TENT5D: variants seen among roughly 807,000 people sequenced by gnomAD.
TENT5D encodes the protein cancer/testis antigen 112.
For missense variants in TENT5D, 191 were observed against 287.0 expected (o/e 0.67, Z 2.42); for synonymous variants, 103 against 100.6 (o/e 1.02, Z -0.15).
chrX:80,416,261 AT>A (rs57550532), upstream of TENT5D, among the ~76,000 whole-genome samples: 404 of 61,417 alleles, frequency 6.6e-3, 3 homozygotes, highest in South Asian at 0.027. Flanking sequence ...GATATTTTGA[AT>A]TTTTTTTTTT....
At chrX:80,400,216 A>C (rs1038429765) in intron 3 of TENT5D, among the ~76,000 whole-genome samples, 4 of 111,812 alleles carry the variant, frequency 3.6e-5, no homozygotes, top group African/African-American at 1.3e-4. Flanking sequence ...TCTGATGTCC[A>C]AGGCAGCAGA....
intron 3 of TENT5D, among the ~76,000 whole-genome samples, chrX:80,373,145 A>G (rs1247985308): frequency 1.8e-5 from 2 of 111,001 alleles, no homozygotes; most frequent in Non-Finnish European, 3.8e-5. Context: ...TGTCATGTGT[A>G]TATGTTTCTC....
At chrX:80,371,840 C>G (rs974892081) in intron 3 of TENT5D, among the ~76,000 whole-genome samples, 1 of 111,851 alleles carries the variant, frequency 8.9e-6, no homozygotes, top group Non-Finnish European at 1.9e-5. Context: ...AAGGCTCTTA[C>G]GCTTTCTTAT....
intron 3 of TENT5D, among the ~76,000 whole-genome samples, chrX:80,346,155 A>G (rs1457196289): frequency 8.9e-6 from 1 of 112,149 alleles, no homozygotes; most frequent in East Asian, 2.8e-4. Context: ...TCTTTAACTC[A>G]GCATAATGCC....
intron 3 of TENT5D, among the ~76,000 whole-genome samples, chrX:80,376,679 T>A (rs1279661044): frequency 9.0e-6 from 1 of 111,652 alleles, no homozygotes; most frequent in East Asian, 2.8e-4. Flanking sequence ...AGCCGATGTA[T>A]GTATATTCAA....
chrX:80,388,360 A>G (rs994272637), intron 3 of TENT5D, among the ~76,000 whole-genome samples: 4 of 111,627 alleles, frequency 3.6e-5, no homozygotes, highest in Non-Finnish European at 7.5e-5. Flanking sequence ...ACTAAAATCA[A>G]TGTGTCACAG....
chrX:80,382,708 C>CG lies in TENT5D; in HGVS notation c.-142+40144_-142+40145insG, dbSNP rs138629241. Among the ~76,000 whole-genome samples the CG allele has an allele frequency of 5.5e-5, 6 of 109,126 alleles. No homozygotes were observed. In the East Asian group the frequency reaches 1.5e-3, roughly 27 times the overall value. 94.8% of individuals were successfully genotyped at this position (109,126 alleles called of 115,157 possible). On this transcript the variant is annotated intron_variant, in intron 3 of 4. Transcript: ENST00000538312. The stretch of plus-strand genomic sequence containing the variant: ...CAAACTTCAGCAATGGCGGACGCCC[C>CG]CCCCCCACTGCCAGGCTGCTGCCTC...
chrX:80,337,296 T>C (rs1929870660), intron 2 of TENT5D, among the ~76,000 whole-genome samples: 1 of 111,843 alleles, frequency 8.9e-6, no homozygotes, highest in Non-Finnish European at 1.9e-5. Flanking sequence ...TTGTGAACTA[T>C]CACCCAATTT....
intron 3 of TENT5D, among the ~76,000 whole-genome samples, chrX:80,343,893 T>TA (rs1402070254): frequency 9.0e-6 from 1 of 111,227 alleles, no homozygotes; most frequent in Non-Finnish European, 1.9e-5. Flanking sequence ...ATTATTTTGT[T>TA]ACCTGGTAGA....
upstream of TENT5D, among the ~76,000 whole-genome samples, chrX:80,416,645 G>A (rs1251301737): frequency 1.8e-5 from 2 of 110,600 alleles, no homozygotes; most frequent in African/African-American, 3.3e-5. Context: ...GGGGGGTGCT[G>A]TGGTCTGAAC....
chrX:80,443,468 C>G (rs1166375789), exon 3 of TENT5D: 3 of 1,209,574 alleles, frequency 2.5e-6, no homozygotes, highest in Non-Finnish European at 3.4e-6. Context: ...AATGAAAGCA[C>G]TGTTTGCCTC....
intron 1 of TENT5D, among the ~76,000 whole-genome samples, chrX:80,430,651 G>C (rs1366527914): frequency 8.9e-6 from 1 of 111,778 alleles, no homozygotes; most frequent in Non-Finnish European, 1.9e-5. Context: ...ACACTTTCCT[G>C]AGGAGGCCAG....
rs1417621298 is a variant in TENT5D at position 80,407,264 on chromosome X, A to T, written c.-141-31346A>T. Among the ~76,000 whole-genome samples, 72 of 110,514 alleles carry T rather than the reference A, an allele frequency of 6.5e-4. 2 individuals are homozygous for T. The highest frequency in any genetic ancestry group is 2.2e-3 in the African/African-American group (66 of 30,338). ...CACACATAACAATATTAACTTTAAAAGTAAATGGACTAAATGCTCCAATTA... is the reference window on the plus strand; with the variant it reads ...CACACATAACAATATTAACTTTAAATGTAAATGGACTAAATGCTCCAATTA... On this transcript the variant is annotated intron_variant, in intron 3 of 4. Transcript: ENST00000538312.
intron 3 of TENT5D, among the ~76,000 whole-genome samples, chrX:80,382,272 G>A (rs1930881668): frequency 8.9e-6 from 1 of 111,880 alleles, no homozygotes; most frequent in Non-Finnish European, 1.9e-5. Flanking sequence ...GTTTGCCTGG[G>A]TATCACCAAC....
At chrX:80,417,074 G>T (rs1289228139), upstream of TENT5D, among the ~76,000 whole-genome samples, 6 of 110,860 alleles carry the variant, frequency 5.4e-5, no homozygotes, top group African/African-American at 2.0e-4. Context: ...TCTCCTTTTT[G>T]ACTTTTGTTG....
chrX:80,408,218 A>G (rs1168578554), intron 3 of TENT5D, among the ~76,000 whole-genome samples: 2 of 104,687 alleles, frequency 1.9e-5, no homozygotes, highest in African/African-American at 6.9e-5. Flanking sequence ...AAACACATTC[A>G]AAAGCTAGCA....
exon 1 of TENT5D, chrX:80,420,544 G>C (rs1292111830): frequency 9.0e-6 from 1 of 111,400 alleles, no homozygotes; most frequent in East Asian, 2.8e-4. Context: ...ATTCAGCAAA[G>C]TCTACTATCA....
At chrX:80,344,103 T>C (rs1466497612) in intron 3 of TENT5D, among the ~76,000 whole-genome samples, 1 of 110,590 alleles carries the variant, frequency 9.0e-6, no homozygotes, top group African/African-American at 3.3e-5. Context: ...TCAAGATGCA[T>C]CTATGTTGCT....
intron 3 of TENT5D, among the ~76,000 whole-genome samples, chrX:80,365,702 G>A (rs746839134): frequency 3.7e-4 from 40 of 109,485 alleles, no homozygotes; most frequent in South Asian, 4.0e-4. Flanking sequence ...TTATCCAGGC[G>A]CGGTGGCAGC....
Sources: allele counts gnomAD v4.1 joint callset (sites outside exome capture counted in the v4.1 genomes callset), GRCh38; gene constraint gnomAD v4.1.1; transcripts MANE v1.5; gene names NCBI Gene and HGNC (gene_info 2026-07-23, HGNC 2026-07-21).